Variants in B3GAT2 observed in about 807,000 individuals in gnomAD.
B3GAT2 encodes the protein galactosylgalactosylxylosylprotein 3-beta-glucuronosyltransferase 2.
In B3GAT2, 26 loss-of-function variants were observed where a neutral mutation model predicts 27.8. The ratio of observed to expected loss-of-function variants is 0.93; its 90% CI spans 0.68 to 1.30. B3GAT2 has a LOEUF of 1.30. B3GAT2 is among the 50% of genes most tolerant of loss of function. The pLI, the probability that B3GAT2 is intolerant of heterozygous loss-of-function variation, is 0.00. For missense variants in B3GAT2, 458 were observed against 459.0 expected, an observed-to-expected ratio of 1.00 and a Z score of 0.02; for synonymous variants, 218 against 195.1, an observed-to-expected ratio of 1.12 and a Z score of -0.98.
intron 1 of B3GAT2, among the ~76,000 whole-genome samples, chr6:70,913,310 T>A (rs1156401388): frequency 2.6e-5 from 4 of 152,224 alleles, no homozygotes; most frequent in Non-Finnish European, 4.4e-5. Flanking sequence ...TGCTATAAAC[T>A]TCCCTCTTAA....
At chr6:70,895,074 T>C (rs1772356600) in intron 1 of B3GAT2, among the ~76,000 whole-genome samples, 1 of 152,144 alleles carries the variant, frequency 6.6e-6, no homozygotes, top group Non-Finnish European at 1.5e-5. Context: ...TAGCATAAAC[T>C]AGAAAAAGGT....
chr6:70,861,802 G>A lies in B3GAT2; in HGVS notation c.885+28C>T, dbSNP rs773526812. ...GCGCACTCTTCATGGTGACACTCGAGGTCGGGCAGCACAAGTGTAATGAAT... is the reference window on the plus strand; with the variant it reads ...GCGCACTCTTCATGGTGACACTCGAAGTCGGGCAGCACAAGTGTAATGAAT... On this transcript the variant is annotated intron_variant, in intron 3 of 3. Coordinates refer to ENST00000230053, the MANE Select transcript of B3GAT2 (RefSeq NM_080742.3). 3 of 1,613,880 alleles carry A rather than the reference G, an allele frequency of 1.9e-6. No individual in the cohort carries two copies. In the East Asian group the frequency reaches 6.7e-5, roughly 36 times the overall value.
chr6:70,889,974 G>T (rs1044680136), intron 2 of B3GAT2, among the ~76,000 whole-genome samples: 30 of 151,946 alleles, frequency 2.0e-4, no homozygotes, highest in African/African-American at 7.0e-4. Flanking sequence ...TAGAGACGGG[G>T]TTTCACCATG....
At chr6:70,919,301 C>T (rs180700906) in intron 1 of B3GAT2, among the ~76,000 whole-genome samples, 13 of 152,268 alleles carry the variant, frequency 8.5e-5, no homozygotes, top group African/African-American at 3.1e-4. Context: ...AGCCATTCAT[C>T]TAGCATTTTT....
intron 1 of B3GAT2, among the ~76,000 whole-genome samples, chr6:70,913,224 G>GT (rs1772715811): frequency 6.6e-6 from 1 of 151,960 alleles, no homozygotes; most frequent in Non-Finnish European, 1.5e-5. Context: ...GTTTGCTCTT[G>GT]TTTTTCTAGT....
At chr6:70,885,901 T>C (rs1471412113) in intron 2 of B3GAT2, among the ~76,000 whole-genome samples, 2 of 152,184 alleles carry the variant, frequency 1.3e-5, no homozygotes, top group African/African-American at 4.8e-5. Context: ...TGAGTGATTC[T>C]TCCACCCTAC....
At chr6:70,946,422 G>T (rs1210925367) in intron 1 of B3GAT2, among the ~76,000 whole-genome samples, 1 of 151,914 alleles carries the variant, frequency 6.6e-6, no homozygotes, top group Non-Finnish European at 1.5e-5. Flanking sequence ...AAAGGCAGGG[G>T]TTGCAATCCT....
At chr6:70,901,838 T>C (rs1486413562) in intron 1 of B3GAT2, among the ~76,000 whole-genome samples, 1 of 152,226 alleles carries the variant, frequency 6.6e-6, no homozygotes, top group African/African-American at 2.4e-5. Flanking sequence ...TATTGTTCTA[T>C]GTATGAAAAC....
chr6:70,956,080 T>A lies in B3GAT2; in HGVS notation c.350A>T (p.Glu117Val). The A allele has an allele frequency of 6.3e-7, 1 of 1,589,132 alleles. No homozygotes were observed. The highest frequency in any genetic ancestry group is 8.5e-7 in the Non-Finnish European group (1 of 1,171,474). The change falls in exon 1 of 4, where the codon GAG (glutamate) becomes GTG (valine). Residue 117 changes from glutamate (E) to valine (V), a missense_variant. Physicochemically the swap from Glu to Val is moderately radical, Grantham distance 121 (BLOSUM62 -2). Transcript: ENST00000230053. ...QVAQLHWILV[E>V]DAAARSELVS... ...CAGCTCGCTGCGCGCCGCCGCGTCCTCCACCAGGATCCAGTGCAGCTGCGC... is the reference window on the plus strand; with the variant it reads ...CAGCTCGCTGCGCGCCGCCGCGTCCACCACCAGGATCCAGTGCAGCTGCGC...
At position 70,859,776 on chromosome 6, in the gene B3GAT2, A is replaced by G. The variant is rs1771622867; in HGVS notation, c.*1887T>C. ...GAAATAAATGCTTTATGACCACTTT[A>G]AAAATATTTAGGAAGTATATAAGAT... On this transcript the variant is annotated 3_prime_UTR_variant, in exon 4 of 4. Coordinates refer to ENST00000230053, the MANE Select transcript of B3GAT2 (RefSeq NM_080742.3). 5.7e-6 allele frequency: 1 copy of G among 175,154 alleles called. No individual in the cohort carries two copies. 10.8% of individuals were successfully genotyped at this position (175,154 alleles called of 1,614,324 possible).
chr6:70,935,474 G>GTATATATATATATATA lies in B3GAT2; in HGVS notation c.591+20364_591+20365insTATATATATATATATA, dbSNP rs754633194. On this transcript the variant is annotated intron_variant, in intron 1 of 3. Coordinates refer to ENST00000230053, the MANE Select transcript of B3GAT2 (RefSeq NM_080742.3). ...GTCTCACTTAAAAATATATATATGTGTATATATATATCTCCATCCAAATGT... is the reference window on the plus strand; with the variant it reads ...GTCTCACTTAAAAATATATATATGTGTATATATATATATATATATATATATATCTCCATCCAAATGT... Among the ~76,000 whole-genome samples the GTATATATATATATATA allele has an allele frequency of 1.4e-3, 218 of 151,222 alleles. 4 individuals are homozygous for GTATATATATATATATA. The highest frequency in any genetic ancestry group is 4.9e-3 in the African/African-American group (201 of 41,234).
chr6:70,933,928 T>C (rs1326656107), intron 1 of B3GAT2, among the ~76,000 whole-genome samples: 1 of 152,220 alleles, frequency 6.6e-6, no homozygotes, highest in Non-Finnish European at 1.5e-5. Context: ...GAACCATATG[T>C]ATTATTATCA....
intron 1 of B3GAT2, among the ~76,000 whole-genome samples, chr6:70,942,898 T>C (rs960329420): frequency 1.3e-5 from 2 of 152,164 alleles, no homozygotes; most frequent in Non-Finnish European, 2.9e-5. Context: ...TAATGGAGAA[T>C]GGTCAGCATT....
chr6:70,897,227 CAA>C (rs1374670378), intron 1 of B3GAT2, among the ~76,000 whole-genome samples: 1 of 135,796 alleles, frequency 7.4e-6, no homozygotes, highest in African/African-American at 2.6e-5. Flanking sequence ...TTCGCACATT[CAA>C]AAAAAAAAAG....
At chr6:70,946,995 G>A (rs548803815) in intron 1 of B3GAT2, among the ~76,000 whole-genome samples, 21 of 152,116 alleles carry the variant, frequency 1.4e-4, no homozygotes, top group East Asian at 1.4e-3. Context: ...GGTACATAAC[G>A]AAATGAAGGC....
intron 1 of B3GAT2, among the ~76,000 whole-genome samples, chr6:70,931,958 T>C (rs1040608809): frequency 6.6e-6 from 1 of 152,098 alleles, no homozygotes; most frequent in Non-Finnish European, 1.5e-5. Flanking sequence ...CAGAATAGGC[T>C]TGAAGAGATA....
At chr6:70,912,224 C>T (rs746361491) in intron 1 of B3GAT2, among the ~76,000 whole-genome samples, 34 of 152,054 alleles carry the variant, frequency 2.2e-4, no homozygotes, top group Non-Finnish European at 3.8e-4. Context: ...GGAATGCTTC[C>T]AGCTTTTGCT....
At chr6:70,948,700 A>G (rs1416863449) in intron 1 of B3GAT2, among the ~76,000 whole-genome samples, 3 of 152,080 alleles carry the variant, frequency 2.0e-5, no homozygotes, top group African/African-American at 7.2e-5. Flanking sequence ...CAAGCTACCA[A>G]TGACTTTCTT....
chr6:70,880,239 C>T (rs139337331), intron 2 of B3GAT2, among the ~76,000 whole-genome samples: 10 of 152,234 alleles, frequency 6.6e-5, no homozygotes, highest in Admixed American at 1.3e-4. Context: ...GTTGGCTTAA[C>T]AGCAGCTACA....
Sources: gnomAD v4.1 joint callset for allele counts (sites outside exome capture counted in the v4.1 genomes callset) on GRCh38, gnomAD v4.1.1 for gene constraint, MANE v1.5 for transcripts, NCBI Gene and HGNC (gene_info 2026-07-23, HGNC 2026-07-21) for gene names.